Variants in PIK3CD observed in about 807,000 individuals in gnomAD.
PIK3CD encodes phosphatidylinositol 4,5-bisphosphate 3-kinase catalytic subunit delta isoform.
Under a neutral mutation model 122.9 loss-of-function variants are expected in PIK3CD, and 20 were observed. The ratio of observed to expected loss-of-function variants is 0.16; its 90% CI spans 0.11 to 0.24. The LOEUF is 0.24. Among genes scored for constraint, PIK3CD ranks in the 10% least tolerant of loss-of-function variants. PIK3CD has a pLI of 1.00. For missense variants in PIK3CD, 787 were observed against 1,406.3 expected (o/e 0.56, Z 7.04); for synonymous variants, 596 against 593.4 (o/e 1.00, Z -0.06).
Position 9,658,987 on chromosome 1 carries a change from G to A in PIK3CD, c.-138+7185G>A, listed in dbSNP as rs575739946. ...TCCATGCAGTGTCTGCAAAGGAGCT[G>A]GTGTGGAGTGGATTAGAAACAGAAG... On this transcript the variant is annotated intron_variant, in intron 1 of 23. Coordinates refer to ENST00000377346, the MANE Select transcript of PIK3CD (RefSeq NM_005026.5). 5.9e-5 allele frequency among the ~76,000 whole-genome samples: 9 copies of A among 152,320 alleles called. 1 individual carries two copies. In the South Asian group the frequency reaches 1.9e-3, roughly 32 times the overall value.
intron 2 of PIK3CD, among the ~76,000 whole-genome samples, chr1:9,708,526 A>T (rs1646930414): frequency 6.6e-6 from 1 of 152,124 alleles, no homozygotes; most frequent in South Asian, 2.1e-4. Context: ...TTGGATGTGG[A>T]TACATGTTGG....
intron 1 of PIK3CD, among the ~76,000 whole-genome samples, chr1:9,686,492 G>A (rs1045951484): frequency 6.6e-5 from 10 of 151,570 alleles, no homozygotes; most frequent in African/African-American, 1.2e-4. Context: ...GTGAGCCACC[G>A]TGCCCGCCTT....
chr1:9,723,947 C>G lies in PIK3CD; in HGVS notation c.2595-22C>G, dbSNP rs1217120017. 3.1e-6 allele frequency: 5 copies of G among 1,613,288 alleles called. No homozygotes were observed. The highest frequency in any genetic ancestry group is 3.4e-6 in the Non-Finnish European group (4 of 1,179,294). On this transcript the variant is annotated intron_variant, in intron 20 of 23. Transcript: ENST00000377346. The surrounding 1 kb of genome is among the most constrained non-coding windows in gnomAD (Gnocchi z 4.9). ...GGAGCTGCAAAATGGTATGGCCATG[C>G]TTTTTAATCTTCCCCACCCAGGGAG...
In PIK3CD at chr1:9,723,943, C is replaced by T. The variant is rs1205442548; in HGVS notation, c.2595-26C>T. ...AGGCGGAGCTGCAAAATGGTATGGC[C>T]ATGCTTTTTAATCTTCCCCACCCAG... On this transcript the variant is annotated intron_variant, in intron 20 of 23. Coordinates refer to ENST00000377346, the MANE Select transcript of PIK3CD (RefSeq NM_005026.5). This position sits in a 1 kb window ranked among gnomAD's most constrained non-coding sequence, Gnocchi z 4.9. 1.2e-6 allele frequency: 2 copies of T among 1,612,240 alleles called. No homozygotes were observed. Among genetic ancestry groups the T allele is most frequent in the East Asian group, 2.2e-5 (1 of 44,876 alleles).
chr1:9,674,947 C>G (rs926537831), intron 1 of PIK3CD, among the ~76,000 whole-genome samples: 2 of 146,494 alleles, frequency 1.4e-5, no homozygotes, highest in Non-Finnish European at 3.0e-5. Flanking sequence ...GTGGGAGGAT[C>G]GCTGCTTGAG....
intron 23 of PIK3CD, 100 bp from the exon 24 acceptor site, chr1:9,726,809 A>C (rs1482673803): frequency 6.9e-7 from 1 of 1,454,146 alleles, no homozygotes; most frequent in Non-Finnish European, 9.5e-7. Context: ...GCTCTCTACT[A>C]ACCATTTCAT....
At position 9,728,435 on chromosome 1, in the gene PIK3CD, C is replaced by A. The variant is rs1279150168; in HGVS notation, c.*1389C>A. The A allele has an allele frequency of 6.6e-6, 1 of 152,244 alleles. No individual in the cohort carries two copies. The highest frequency in any genetic ancestry group is 1.5e-5 in the Non-Finnish European group (1 of 68,050). 9.4% of individuals were successfully genotyped at this position (152,244 alleles called of 1,614,324 possible). A position where few individuals can be genotyped will look rare whatever the true frequency, so the allele number is the denominator to read the frequency against. On this transcript the variant is annotated 3_prime_UTR_variant, in exon 24 of 24. Transcript: ENST00000377346. ...CAGCCCACAGGTGATCCTAACATATCAGGCCATGGACTCAGGACCTGCCCG... is the reference window on the plus strand; with the variant it reads ...CAGCCCACAGGTGATCCTAACATATAAGGCCATGGACTCAGGACCTGCCCG...
At chr1:9,655,453 C>G (rs1385356329) in intron 1 of PIK3CD, among the ~76,000 whole-genome samples, 6 of 132,776 alleles carry the variant, frequency 4.5e-5, no homozygotes, top group African/African-American at 1.1e-4. Flanking sequence ...CCCGCCCCCC[C>G]CCCTTTTTTA....
Position 9,717,721 on chromosome 1 carries a change from C to T in PIK3CD, c.1020+95C>T, listed in dbSNP as rs1647750854. The T allele has an allele frequency of 5.4e-6, 6 of 1,117,032 alleles. No individual in the cohort carries two copies. Among genetic ancestry groups the T allele is most frequent in the South Asian group, 1.3e-5 (1 of 76,730 alleles). The allele number at this position is 1,117,032 out of a possible 1,614,324, so 69.2% of individuals were successfully genotyped here. A position where few individuals can be genotyped will look rare whatever the true frequency, so the allele number is the denominator to read the frequency against. On this transcript the variant is annotated intron_variant, in intron 8 of 23. Transcript: ENST00000377346. This position sits in a 1 kb window ranked among gnomAD's most constrained non-coding sequence, Gnocchi z 5.4. ...GGTAGCAGAGGAAGGAGGGGGATCA[C>T]ATGAAAGCCACCTGACCACATTACC... is the stretch of plus-strand genomic sequence containing the variant.
In PIK3CD at chr1:9,724,828, C is replaced by G; in HGVS notation, c.2889C>G (p.Ala963=). 6.2e-7 allele frequency: 1 copy of G among 1,613,642 alleles called. No homozygotes were observed. Among genetic ancestry groups the G allele is most frequent in the Non-Finnish European group, 8.5e-7 (1 of 1,180,030 alleles). The change falls in exon 23 of 24, where the codon GCC becomes GCG. Residue 963 remains alanine, a synonymous_variant. Coordinates refer to ENST00000377346, the MANE Select transcript of PIK3CD (RefSeq NM_005026.5). The surrounding 1 kb of genome is among the most constrained non-coding windows in gnomAD (Gnocchi z 7.3). ...FERFRGYCER[A]YTILRRHGLL... is the part of the protein sequence containing the mutation. ...GGTTCCGGGGCTACTGTGAAAGGGCCTACACCATCCTGCGGCGCCACGGGC... is the reference window on the plus strand; with the variant it reads ...GGTTCCGGGGCTACTGTGAAAGGGCGTACACCATCCTGCGGCGCCACGGGC...
At chr1:9,664,315 C>T (rs998392311) in intron 1 of PIK3CD, among the ~76,000 whole-genome samples, 7 of 152,180 alleles carry the variant, frequency 4.6e-5, no homozygotes, top group African/African-American at 1.7e-4. Context: ...TCCCAAAGTA[C>T]TGGGATTACA....
At position 9,717,909 on chromosome 1, in the gene PIK3CD, G is replaced by A. The variant is rs1029247537; in HGVS notation, c.1020+283G>A. On this transcript the variant is annotated intron_variant, in intron 8 of 23. Coordinates refer to ENST00000377346, the MANE Select transcript of PIK3CD (RefSeq NM_005026.5). This position sits in a 1 kb window ranked among gnomAD's most constrained non-coding sequence, Gnocchi z 5.4. ...GGGGCCAGGTTCAGCCCAGGGATCC[G>A]GGACCGCAGAGCTGGGGGAAGGGCC... 1.3e-5 allele frequency among the ~76,000 whole-genome samples: 2 copies of A among 152,132 alleles called. No individual in the cohort carries two copies. Among genetic ancestry groups the A allele is most frequent in the African/African-American group, 4.8e-5 (2 of 41,418 alleles).
rs1183364601 is a variant in PIK3CD at position 9,727,070 on chromosome 1, A to C, written c.*24A>C. ...AGTGGCTCCTCCCAGCCCTGGGCCCAAGAGGAGGCGGCTGCGGGTCGTGGG... is the reference window on the plus strand; with the variant it reads ...AGTGGCTCCTCCCAGCCCTGGGCCCCAGAGGAGGCGGCTGCGGGTCGTGGG... On this transcript the variant is annotated 3_prime_UTR_variant, in exon 24 of 24. Coordinates refer to ENST00000377346, the MANE Select transcript of PIK3CD (RefSeq NM_005026.5). The C allele has an allele frequency of 6.2e-7, 1 of 1,613,900 alleles. No homozygotes were observed. The highest frequency in any genetic ancestry group is 1.1e-5 in the South Asian group (1 of 91,068).
At chr1:9,635,222 C>T in the PIK3CD span, among the ~76,000 whole-genome samples, 1 of 150,114 alleles carries the variant, frequency 6.7e-6, no homozygotes, top group Admixed American at 6.7e-5. Flanking sequence ...TTGCAGTAAG[C>T]CAAGATCTCA....
intron 1 of PIK3CD, among the ~76,000 whole-genome samples, chr1:9,679,063 C>CTTTTTTTT (rs148088382): frequency 8.6e-6 from 1 of 116,572 alleles, no homozygotes; most frequent in Non-Finnish European, 1.7e-5. Context: ...TCAGGAGAAA[C>CTTTTTTTT]TTTTTTTTTT....
intron 2 of PIK3CD, among the ~76,000 whole-genome samples, chr1:9,696,081 C>T (rs1329877152): frequency 2.0e-5 from 3 of 151,570 alleles, no homozygotes; most frequent in East Asian, 3.9e-4. Flanking sequence ...AAGCAATCCT[C>T]CTGCCTCAGC....
chr1:9,723,013 G>A lies in PIK3CD; in HGVS notation c.2427-112G>A. On this transcript the variant is annotated intron_variant, in intron 19 of 23. Coordinates refer to ENST00000377346, the MANE Select transcript of PIK3CD (RefSeq NM_005026.5). This position sits in a 1 kb window ranked among gnomAD's most constrained non-coding sequence, Gnocchi z 4.9. ...TCTCACCTGCTTTTTAGCAATGTGG[G>A]CAGCAGCATCTTCTGTGGCTTTTTG... is the stretch of plus-strand genomic sequence containing the variant. 3 of 1,057,306 alleles carry A rather than the reference G, an allele frequency of 2.8e-6. No homozygotes were observed. Among genetic ancestry groups the A allele is most frequent in the East Asian group, 4.7e-5 (2 of 42,330 alleles). 65.5% of individuals were successfully genotyped at this position (1,057,306 alleles called of 1,614,324 possible). A position where few individuals can be genotyped will look rare whatever the true frequency, so the allele number is the denominator to read the frequency against.
intron 1 of PIK3CD, among the ~76,000 whole-genome samples, chr1:9,677,873 G>A (rs1039132954): frequency 7.3e-5 from 11 of 151,626 alleles, no homozygotes; most frequent in Non-Finnish European, 1.0e-4. Context: ...AATCTGGGCC[G>A]GGCGTGGTGG....
At chr1:9,657,587 G>A (rs986054006) in intron 1 of PIK3CD, among the ~76,000 whole-genome samples, 28 of 151,940 alleles carry the variant, frequency 1.8e-4, no homozygotes, top group African/African-American at 6.8e-4. Context: ...TGGGGTCCCA[G>A]GAGCAGAAAA....
Sources: gnomAD v4.1 joint callset for allele counts (sites outside exome capture counted in the v4.1 genomes callset) on GRCh38, gnomAD v4.1.1 for gene constraint, Gnocchi (gnomAD v3.1) non-coding constraint, MANE v1.5 for transcripts, NCBI Gene and HGNC (gene_info 2026-07-23, HGNC 2026-07-21) for gene names.